Variants in EPC2 observed in about 807,000 individuals in gnomAD.
EPC2 encodes enhancer of polycomb homolog 2.
EPC2 carries 14 observed loss-of-function variants against 92.1 expected under a neutral mutation model. The ratio of observed to expected loss-of-function variants is 0.15; its 90% CI spans 0.10 to 0.24. The LOEUF (loss-of-function observed/expected upper bound fraction) is 0.24, where lower values mean the gene tolerates loss of function less well. Ranked by LOEUF, EPC2 falls within the 10% of genes least tolerant of loss-of-function variation. EPC2 has a pLI of 1.00. For missense variants in EPC2, 755 were observed against 971.5 expected (o/e 0.78, Z 2.96); for synonymous variants, 340 against 334.7 (o/e 1.02, Z -0.17).
At chr2:148,668,391 T>A (rs1421090056) in intron 1 of EPC2, among the ~76,000 whole-genome samples, 1 of 152,224 alleles carries the variant, frequency 6.6e-6, no homozygotes, top group Non-Finnish European at 1.5e-5. Context: ...CGTATTTGTC[T>A]GTAGTTTTCT....
At chr2:148,768,660 CT>C (rs1334638164) in intron 7 of EPC2, among the ~76,000 whole-genome samples, 6 of 152,150 alleles carry the variant, frequency 3.9e-5, no homozygotes, top group Non-Finnish European at 8.8e-5. Context: ...TGAATAAAAC[CT>C]GGCCTTTATG....
intron 5 of EPC2, 65 bp downstream of exon 5, chr2:148,761,995 A>G (rs1254410999): frequency 1.4e-6 from 2 of 1,386,468 alleles, no homozygotes; most frequent in Admixed American, 2.9e-5. Context: ...AAATGAACCA[A>G]AAGATTTTTA....
chr2:148,782,537 CAAA>C (rs766289359), intron 11 of EPC2, among the ~76,000 whole-genome samples: 1 of 136,148 alleles, frequency 7.3e-6, no homozygotes, highest in Non-Finnish European at 1.6e-5. Context: ...ACTATGTCTC[CAAA>C]AAAAACAAAA....
chr2:148,759,095 A>G (rs549684970), intron 4 of EPC2, among the ~76,000 whole-genome samples: 117 of 152,076 alleles, frequency 7.7e-4, no homozygotes, highest in Non-Finnish European at 1.5e-3. Flanking sequence ...TATTGTTATT[A>G]TTATTACTAT....
intron 10 of EPC2, among the ~76,000 whole-genome samples, chr2:148,778,849 A>T (rs1358524153): frequency 6.6e-6 from 1 of 152,194 alleles, no homozygotes; most frequent in Non-Finnish European, 1.5e-5. Flanking sequence ...GATATAACAT[A>T]TTGAGATTGA....
In EPC2 at chr2:148,645,104, C is replaced by G; in HGVS notation, c.87C>G (p.Asn29Lys). Residue 29 changes from asparagine (N) to lysine (K), a missense_variant, in exon 1 of 14, where the codon AAC becomes AAG. This residue lies in a region of EPC2 where 36 missense variants were observed against 84.0 expected (regional missense o/e 0.43). Transcript: ENST00000258484. ...GCGGCAAGGACATGCCTGATCTCAA[C>G]GACTGCGTCTCCATCAACCGGGCCG... Reference protein sequence around the residue: ...IYRGKDMPDLNDCVSINRAVP... With the variant: ...IYRGKDMPDLKDCVSINRAVP... 1.2e-6 allele frequency: 2 copies of G among 1,604,290 alleles called. No individual in the cohort carries two copies. The highest frequency in any genetic ancestry group is 1.7e-6 in the Non-Finnish European group (2 of 1,175,192).
chr2:148,644,885 C>A lies in EPC2; in HGVS notation c.-133C>A. The A allele has an allele frequency of 1.4e-6, 1 of 737,152 alleles. No homozygotes were observed. The highest frequency in any genetic ancestry group is 2.2e-6 in the Non-Finnish European group (1 of 459,478). 45.7% of individuals were successfully genotyped at this position (737,152 alleles called of 1,614,324 possible). A position where few individuals can be genotyped will look rare whatever the true frequency, so the allele number is the denominator to read the frequency against. On this transcript the variant is annotated 5_prime_UTR_variant, in exon 1 of 14. Coordinates refer to ENST00000258484, the MANE Select transcript of EPC2 (RefSeq NM_015630.4). ...TGGGCGCCCATGCTGTGGCCGGGGG[C>A]AGTGAGGAGGAGGAGGAGCGGGCCG... is the stretch of plus-strand genomic sequence containing the variant.
At chr2:148,680,118 C>T (rs1204635444) in intron 1 of EPC2, among the ~76,000 whole-genome samples, 1 of 149,974 alleles carries the variant, frequency 6.7e-6, no homozygotes, top group East Asian at 1.9e-4. Flanking sequence ...TGTTTCTGGA[C>T]CTTTGTTCAT....
intron 10 of EPC2, among the ~76,000 whole-genome samples, chr2:148,775,947 G>GT (rs1683634321): frequency 6.6e-6 from 1 of 151,086 alleles, no homozygotes; most frequent in South Asian, 2.1e-4. Flanking sequence ...CTGCCTAATT[G>GT]TTTTTGTATT....
intron 1 of EPC2, among the ~76,000 whole-genome samples, chr2:148,648,254 T>A (rs1179151595): frequency 6.6e-6 from 1 of 152,226 alleles, no homozygotes; most frequent in African/African-American, 2.4e-5. Flanking sequence ...CTTTCTTTTT[T>A]AAATATGTAT....
rs1012225365 is a variant in EPC2 at position 148,726,598 on chromosome 2, T to C, written c.314-17024T>C. ...TTTTTGTATGCCGGCCATTTGTATA[T>C]CATTGTGTTTTTTTGTTTGTTTTTT... is the stretch of plus-strand genomic sequence containing the variant. On this transcript the variant is annotated intron_variant, in intron 2 of 13. Transcript: ENST00000258484. 3.3e-5 allele frequency among the ~76,000 whole-genome samples: 5 copies of C among 152,232 alleles called. No individual in the cohort carries two copies. The East Asian group carries it at 9.6e-4, about 29-fold the overall frequency.
chr2:148,780,656 C>T (rs1381020545), intron 10 of EPC2, among the ~76,000 whole-genome samples: 1 of 152,048 alleles, frequency 6.6e-6, no homozygotes, highest in Non-Finnish European at 1.5e-5. Flanking sequence ...CACTGTGACT[C>T]TTAGTGCAGC....
rs867303899 is a variant in EPC2, at chr2:148,681,996, T to G, written c.154-8218T>G. On this transcript the variant is annotated intron_variant, in intron 1 of 13. Transcript: ENST00000258484. ...GTTTGGTTTTTTGTCCTTGTGATAGTTTGCTCAGAATGATGGTGTCCAGCT... is the reference window on the plus strand; with the variant it reads ...GTTTGGTTTTTTGTCCTTGTGATAGGTTGCTCAGAATGATGGTGTCCAGCT... Among the ~76,000 whole-genome samples, 7 of 152,296 alleles carry G rather than the reference T, an allele frequency of 4.6e-5. No individual in the cohort carries two copies. In the South Asian group the frequency reaches 6.2e-4, roughly 14 times the overall value.
At chr2:148,744,989 G>GCCCCCCCCCCCC (rs34269450) in intron 3 of EPC2, among the ~76,000 whole-genome samples, 35 of 46,298 alleles carry the variant, frequency 7.6e-4, no homozygotes, top group Non-Finnish European at 1.2e-3. Context: ...CTATCAGTTT[G>GCCCCCCCCCCCC]CCCCCCCCCC....
Position 148,684,034 on chromosome 2 carries a change from A to G in EPC2, c.154-6180A>G, listed in dbSNP as rs1681463931. On this transcript the variant is annotated intron_variant, in intron 1 of 13. Transcript: ENST00000258484. ...TCCACACCAACATCATTACTTTTTA[A>G]TTTTTAAATTATGGCCATTCTTGCA... Among the ~76,000 whole-genome samples, 4 of 152,130 alleles carry G rather than the reference A, an allele frequency of 2.6e-5. 1 individual carries two copies. The South Asian group carries it at 6.2e-4, about 24-fold the overall frequency.
chr2:148,670,879 C>T (rs56877663), intron 1 of EPC2, among the ~76,000 whole-genome samples: 8,480 of 152,132 alleles, frequency 0.056, 767 homozygotes, highest in African/African-American at 0.19. Flanking sequence ...GGAGACTAGA[C>T]ATCAGTATGT....
At chr2:148,670,642 G>A (rs770493994) in intron 1 of EPC2, among the ~76,000 whole-genome samples, 24 of 151,858 alleles carry the variant, frequency 1.6e-4, no homozygotes, top group Non-Finnish European at 2.1e-4. Flanking sequence ...TCTAAAATTT[G>A]GAACTCTACA....
chr2:148,753,872 TTTTA>T, intron 3 of EPC2, 51 bp from the exon 4 acceptor site: 1 of 1,506,616 alleles, frequency 6.6e-7, no homozygotes, highest in Non-Finnish European at 9.0e-7. Flanking sequence ...ATAAGCTAAC[TTTTA>T]TTTCTTTTTG....
At position 148,703,185 on chromosome 2, in the gene EPC2, T is replaced by C. The variant is rs111556445; in HGVS notation, c.313+12812T>C. On this transcript the variant is annotated intron_variant, in intron 2 of 13. Coordinates refer to ENST00000258484, the MANE Select transcript of EPC2 (RefSeq NM_015630.4). ...GTCCATTTTAGAGTATTTTTGGTAG[T>C]CTGTTAATTGTGAACCTTCAATGCA... Among the ~76,000 whole-genome samples, 326 of 152,290 alleles carry C rather than the reference T, an allele frequency of 2.1e-3. 1 individual carries two copies. The highest frequency in any genetic ancestry group is 7.0e-3 in the African/African-American group (293 of 41,568).
Sources: allele counts gnomAD v4.1 joint callset (sites outside exome capture counted in the v4.1 genomes callset), GRCh38; gene constraint gnomAD v4.1.1; regional missense constraint gnomAD v4.1.1; transcripts MANE v1.5; gene names NCBI Gene and HGNC (gene_info 2026-07-23, HGNC 2026-07-21).